The following SMG8 variants were observed in gnomAD, a reference collection of about 807,000 sequenced individuals.
SMG8 encodes the protein SMG8 nonsense mediated mRNA decay factor.
Under a neutral mutation model 82.1 loss-of-function variants are expected in SMG8, and 49 were observed. The ratio of observed to expected loss-of-function variants is 0.60; its 90% CI spans 0.47 to 0.76. The LOEUF is 0.76. Among genes scored for constraint, SMG8 ranks in the 30% least tolerant of loss-of-function variants. SMG8 has a pLI of 0.00. For synonymous variants in SMG8, 404 were observed against 430.0 expected (o/e 0.94, Z 0.75); for missense variants, 969 against 1,166.4 (o/e 0.83, Z 2.46).
At position 59,213,571 on chromosome 17, in the gene SMG8, T is replaced by C; in HGVS notation, c.2748T>C (p.Asp916=). ...QLMRLFVVVP[D]APLQIILMPQ... ...TGAGGCTTTTTGTTGTGGTTCCTGA[T>C]GCTCCTTTGCAGATAATACTAATGC... is the stretch of plus-strand genomic sequence containing the variant. Residue 916 remains aspartate, a synonymous_variant, in exon 3 of 4, where the codon GAT becomes GAC. Transcript: ENST00000300917. 2 of 1,613,414 alleles carry C rather than the reference T, an allele frequency of 1.2e-6. No individual in the cohort carries two copies. Among genetic ancestry groups the C allele is most frequent in the Non-Finnish European group, 1.7e-6 (2 of 1,179,778 alleles).
Position 59,211,122 on chromosome 17 carries a change from T to C in SMG8, c.1071T>C (p.Ser357=). ...PVGMLLDQLR[S]HCTVKDPESL... is the part of the protein sequence containing the mutation. ...GTATGTTGCTGGACCAACTTAGGAG[T>C]CATTGTACTGTGAAGGACCCGGAAT... Residue 357 remains serine, a synonymous_variant, in exon 1 of 4, where the codon AGT becomes AGC. Coordinates refer to ENST00000300917, the MANE Select transcript of SMG8 (RefSeq NM_018149.7). 4 of 1,613,676 alleles carry C rather than the reference T, an allele frequency of 2.5e-6. No homozygotes were observed. The highest frequency in any genetic ancestry group is 3.4e-6 in the Non-Finnish European group (4 of 1,179,902).
In SMG8 at chr17:59,211,216, C is replaced by G; in HGVS notation, c.1165C>G (p.Gln389Glu). The change falls in exon 1 of 4, where the codon CAA (glutamine) becomes GAA (glutamate). Residue 389 changes from glutamine (Q) to glutamate (E), a missense_variant. By Grantham distance (29) the Gln-to-Glu change is conservative. Coordinates refer to ENST00000300917, the MANE Select transcript of SMG8 (RefSeq NM_018149.7). ...GGTGATGAGGCAGCACAGCCGACAACAACTTTCCTTTCACATTGACAGCAG... is the reference window on the plus strand; with the variant it reads ...GGTGATGAGGCAGCACAGCCGACAAGAACTTTCCTTTCACATTGACAGCAG... ...YQVMRQHSRQ[Q>E]LSFHIDSSSS... 6.2e-7 allele frequency: 1 copy of G among 1,614,232 alleles called. No homozygotes were observed. Among genetic ancestry groups the G allele is most frequent in the African/African-American group, 1.3e-5 (1 of 75,070 alleles).
At position 59,215,122 on chromosome 17, in the gene SMG8, G is replaced by C; in HGVS notation, c.*120G>C. 1 of 641,232 alleles carries C rather than the reference G, an allele frequency of 1.6e-6. No individual in the cohort carries two copies. The highest frequency in any genetic ancestry group is 2.6e-5 in the East Asian group (1 of 39,164). 39.7% of individuals were successfully genotyped at this position (641,232 alleles called of 1,614,324 possible). ...AATCCAAAATGTGTTTTGGTTACAG[G>C]AGTTCAGTATTTGGAAACTAATTTG... On this transcript the variant is annotated 3_prime_UTR_variant, in exon 4 of 4. Coordinates refer to ENST00000300917, the MANE Select transcript of SMG8 (RefSeq NM_018149.7).
Position 59,210,141 on chromosome 17 carries a change from C to A in SMG8, c.90C>A (p.Gly30=), listed in dbSNP as rs1316508488. 6.3e-7 allele frequency: 1 copy of A among 1,587,286 alleles called. No individual in the cohort carries two copies. ...GTCCCGGAGGGTCCCCTACTGAGGG[C>A]GGAGGGAGCGCGGCTGGCGGACCGG... The part of the protein sequence containing the change: ...SESPGGSPTE[G]GGSAAGGPEP... Residue 30 remains glycine, a synonymous_variant, in exon 1 of 4, where the codon GGC becomes GGA. Coordinates refer to ENST00000300917, the MANE Select transcript of SMG8 (RefSeq NM_018149.7).
chr17:59,214,155 G>C (rs990656280), intron 3 of SMG8, among the ~76,000 whole-genome samples: 1 of 151,940 alleles, frequency 6.6e-6, no homozygotes. Context: ...GTGGTGGAAG[G>C]CGCCTGTAAT....
chr17:59,210,310 G>T lies in SMG8; in HGVS notation c.259G>T (p.Asp87Tyr), dbSNP rs138541525. 51 of 1,613,004 alleles carry T rather than the reference G, an allele frequency of 3.2e-5. No homozygotes were observed. The African/African-American group carries it at 6.1e-4, about 19-fold the overall frequency. The change falls in exon 1 of 4, where the codon GAT becomes TAT. Residue 87 changes from aspartate (D) to tyrosine (Y), a missense_variant. Asp to Tyr is a radical substitution (Grantham distance 160). Coordinates refer to ENST00000300917, the MANE Select transcript of SMG8 (RefSeq NM_018149.7). ...FPLFRHQDPG[D>Y]PGPGIRTEAG... ...TCTCTTTCGCCACCAAGATCCTGGG[G>T]ATCCAGGACCTGGAATCAGAACTGA... is the stretch of plus-strand genomic sequence containing the variant.
Position 59,210,869 on chromosome 17 carries a change from G to C in SMG8, c.818G>C (p.Gly273Ala). 1 of 1,614,030 alleles carries C rather than the reference G, an allele frequency of 6.2e-7. No individual in the cohort carries two copies. The highest frequency in any genetic ancestry group is 8.5e-7 in the Non-Finnish European group (1 of 1,180,034). Residue 273 changes from glycine (G) to alanine (A), a missense_variant, in exon 1 of 4, where the codon GGA becomes GCA. Gly to Ala is a moderately conservative substitution (Grantham distance 60). Coordinates refer to ENST00000300917, the MANE Select transcript of SMG8 (RefSeq NM_018149.7). ...PRLLFLFQLN[G>A]ALKVEPPRNQ... ...CTCCTTTTCCTCTTTCAACTCAATG[G>C]AGCCCTCAAGGTAGAACCTCCTCGG...
Position 59,213,157 on chromosome 17 carries a change from CTT to C in SMG8, c.2336_2337del (p.Phe779SerfsTer26). ...VKLGPAKSYN[F>X]HTGLDQQGFI... ...AACTAGGCCCTGCTAAGTCTTATAACTTTCATACAGGTTTGGACCAACAGGGC... is the reference window on the plus strand; with the variant it reads ...AACTAGGCCCTGCTAAGTCTTATAACTCATACAGGTTTGGACCAACAGGGC... On this transcript the variant is annotated frameshift_variant, in exon 3 of 4. Coordinates refer to ENST00000300917, the MANE Select transcript of SMG8 (RefSeq NM_018149.7). LOFTEE classifies it high-confidence loss of function. 1 of 1,614,200 alleles carries C rather than the reference CTT, an allele frequency of 6.2e-7. No homozygotes were observed. Among genetic ancestry groups the C allele is most frequent in the African/African-American group, 1.3e-5 (1 of 75,058 alleles).
At chr17:59,211,994 A>T (rs2046947825) in intron 1 of SMG8, 184 bp downstream of exon 1, 4 of 507,676 alleles carry the variant, frequency 7.9e-6, no homozygotes, top group Non-Finnish European at 6.6e-6. Flanking sequence ...CTACTTTCTT[A>T]TTTTTTTTCA....
Position 59,211,231 on chromosome 17 carries a change from A to G in SMG8, c.1180A>G (p.Ile394Val). The G allele has an allele frequency of 6.2e-7, 1 of 1,614,210 alleles. No homozygotes were observed. The highest frequency in any genetic ancestry group is 1.1e-5 in the South Asian group (1 of 91,080). ...CAGCCGACAACAACTTTCCTTTCAC[A>G]TTGACAGCAGCAGTTCCAGTTCTTC... The part of the protein sequence containing the change: ...QHSRQQLSFH[I>V]DSSSSSSSGQ... Residue 394 changes from isoleucine to valine, a missense_variant, in exon 1 of 4, where the codon ATT becomes GTT. By Grantham distance (29) the Ile-to-Val change is conservative (BLOSUM62 3). Around this residue, in one of 3 missense-constraint regions of SMG8, gnomAD observed 662 missense variants for 884.8 expected, o/e 0.75. Transcript: ENST00000300917.
Position 59,210,526 on chromosome 17 carries a change from A to G in SMG8, c.475A>G (p.Asn159Asp). 1 of 1,564,948 alleles carries G rather than the reference A, an allele frequency of 6.4e-7. No individual in the cohort carries two copies. The highest frequency in any genetic ancestry group is 2.2e-5 in the East Asian group (1 of 44,606). Reference protein sequence around the residue: ...LYLLLTSICDNSQLLRACRAL... With the variant: ...LYLLLTSICDDSQLLRACRAL... ...TCTTCTCCTCACCTCCATCTGTGAC[A>G]ATTCACAGCTTCTCCGGGCTTGTCG... Residue 159 changes from asparagine to aspartate, a missense_variant, in exon 1 of 4, where the codon AAT becomes GAT. Coordinates refer to ENST00000300917, the MANE Select transcript of SMG8 (RefSeq NM_018149.7).
intron 1 of SMG8, 45 bp from the exon 2 acceptor site, chr17:59,212,296 G>A (rs746310458): frequency 1.5e-5 from 23 of 1,502,016 alleles, no homozygotes; most frequent in African/African-American, 1.2e-4. Flanking sequence ...AAGTAAATTC[G>A]CACATTGTGT....
chr17:59,211,375 C>A lies in SMG8; in HGVS notation c.1324C>A (p.Leu442Ile). ...GRNPQPSHFE[L>I]PTYQKWISAA... is the part of the protein sequence containing the mutation. ...GAACCCACAGCCTTCCCATTTTGAA[C>A]TTCCTACTTATCAGAAGTGGATCTC... Residue 442 changes from leucine to isoleucine, a missense_variant, in exon 1 of 4, where the codon CTT becomes ATT. Transcript: ENST00000300917. 1.2e-6 allele frequency: 2 copies of A among 1,614,196 alleles called. No individual in the cohort carries two copies. The highest frequency in any genetic ancestry group is 1.7e-6 in the Non-Finnish European group (2 of 1,180,034).
In SMG8 at chr17:59,212,725, A is replaced by G. The variant is rs2147864841; in HGVS notation, c.1906-4A>G. ...TACTGGATTTTTTTTCTTACCCTCT[A>G]TAGCTTCTGGAAGAAAAGTGTTGTG... On this transcript the variant is annotated splice_polypyrimidine_tract_variant and splice_region_variant and intron_variant, in intron 2 of 3. Coordinates refer to ENST00000300917, the MANE Select transcript of SMG8 (RefSeq NM_018149.7). 2 of 1,593,628 alleles carry G rather than the reference A, an allele frequency of 1.3e-6. No individual in the cohort carries two copies. The highest frequency in any genetic ancestry group is 1.7e-4 in the Middle Eastern group (1 of 5,924).
rs1485477368 is a variant in SMG8, at chr17:59,210,170, C to T, written c.119C>T (p.Pro40Leu). 1.3e-6 allele frequency: 2 copies of T among 1,593,518 alleles called. No individual in the cohort carries two copies. Among genetic ancestry groups the T allele is most frequent in the African/African-American group, 2.7e-5 (2 of 74,332 alleles). Residue 40 changes from proline to leucine, a missense_variant, in exon 1 of 4, where the codon CCT becomes CTT. This residue lies in a region of SMG8 where 206 missense variants were observed against 190.5 expected (regional missense o/e 1.08). Transcript: ENST00000300917. ...GGGSAAGGPEPPWREDEICVV... is the reference protein window; with the variant it reads ...GGGSAAGGPELPWREDEICVV... ...GGGAGCGCGGCTGGCGGACCGGAGCCTCCATGGCGGGAGGATGAGATCTGC... is the reference window on the plus strand; with the variant it reads ...GGGAGCGCGGCTGGCGGACCGGAGCTTCCATGGCGGGAGGATGAGATCTGC...
In SMG8 at chr17:59,212,942, G is replaced by T. The variant is rs758087296; in HGVS notation, c.2119G>T (p.Gly707Cys). The T allele has an allele frequency of 7.4e-6, 12 of 1,614,026 alleles. No homozygotes were observed. Among genetic ancestry groups the T allele is most frequent in the Admixed American group, 1.7e-5 (1 of 59,968 alleles). ...LSLGQSTDSLGTYPADPQAGG... is the reference protein window; with the variant it reads ...LSLGQSTDSLCTYPADPQAGG... Reference sequence around the variant, plus strand: ...TTTGGGCCAATCCACAGATAGCTTAGGTACCTATCCAGCTGATCCACAAGC... The same window carrying T: ...TTTGGGCCAATCCACAGATAGCTTATGTACCTATCCAGCTGATCCACAAGC... Residue 707 changes from glycine to cysteine, a missense_variant, in exon 3 of 4, where the codon GGT becomes TGT. Gly to Cys is a radical substitution (Grantham distance 159). Around this residue, in one of 3 missense-constraint regions of SMG8, gnomAD observed 662 missense variants for 884.8 expected, o/e 0.75. Coordinates refer to ENST00000300917, the MANE Select transcript of SMG8 (RefSeq NM_018149.7).
Position 59,215,114 on chromosome 17 carries a change from G to T in SMG8, c.*112G>T. The T allele has an allele frequency of 4.5e-6, 3 of 662,016 alleles. No homozygotes were observed. Among genetic ancestry groups the T allele is most frequent in the Non-Finnish European group, 8.0e-6 (3 of 375,426 alleles). 41.0% of individuals were successfully genotyped at this position (662,016 alleles called of 1,614,324 possible). A position where few individuals can be genotyped will look rare whatever the true frequency, so the allele number is the denominator to read the frequency against. On this transcript the variant is annotated 3_prime_UTR_variant, in exon 4 of 4. Coordinates refer to ENST00000300917, the MANE Select transcript of SMG8 (RefSeq NM_018149.7). ...TTTTCCCAAATCCAAAATGTGTTTT[G>T]GTTACAGGAGTTCAGTATTTGGAAA... is the stretch of plus-strand genomic sequence containing the variant.
rs530750659 is a variant in SMG8 at position 59,215,118 on chromosome 17, A to G, written c.*116A>G. On this transcript the variant is annotated 3_prime_UTR_variant, in exon 4 of 4. Coordinates refer to ENST00000300917, the MANE Select transcript of SMG8 (RefSeq NM_018149.7). ...CCCAAATCCAAAATGTGTTTTGGTT[A>G]CAGGAGTTCAGTATTTGGAAACTAA... 31 of 656,356 alleles carry G rather than the reference A, an allele frequency of 4.7e-5. No homozygotes were observed. Among genetic ancestry groups the G allele is most frequent in the Non-Finnish European group, 8.3e-5 (31 of 371,598 alleles). 40.7% of individuals were successfully genotyped at this position (656,356 alleles called of 1,614,324 possible).
In SMG8 at chr17:59,211,092, A is replaced by G. The variant is rs1164964174; in HGVS notation, c.1041A>G (p.Pro347=). The G allele has an allele frequency of 8.1e-6, 13 of 1,614,088 alleles. No individual in the cohort carries two copies. The highest frequency in any genetic ancestry group is 1.1e-5 in the Non-Finnish European group (13 of 1,180,052). ...YIVPGSQEED[P]VGMLLDQLRS... is the part of the protein sequence containing the mutation. ...TACCGGGAAGCCAGGAGGAGGACCC[A>G]GTAGGTATGTTGCTGGACCAACTTA... The change falls in exon 1 of 4, where the codon CCA becomes CCG. Residue 347 remains proline (P), a synonymous_variant. Coordinates refer to ENST00000300917, the MANE Select transcript of SMG8 (RefSeq NM_018149.7).
Sources: allele counts gnomAD v4.1 joint callset (sites outside exome capture counted in the v4.1 genomes callset), GRCh38; gene constraint gnomAD v4.1.1; regional missense constraint gnomAD v4.1.1; transcripts MANE v1.5; gene names NCBI Gene and HGNC (gene_info 2026-07-23, HGNC 2026-07-21).